The following GRIN2A variants were observed in gnomAD, a reference collection of about 807,000 sequenced individuals.
GRIN2A encodes the protein glutamate receptor ionotropic, NMDA 2A.
Under a neutral mutation model 113.4 loss-of-function variants are expected in GRIN2A, and 22 were observed. That is an observed-to-expected ratio of 0.19 (90% CI 0.14 to 0.28). GRIN2A has a LOEUF of 0.28. Among genes scored for constraint, GRIN2A ranks in the 10% least tolerant of loss-of-function variants. GRIN2A has a pLI of 1.00. For missense variants in GRIN2A, 1,502 were observed against 1,887.0 expected (o/e 0.80, Z 3.78); for synonymous variants, 827 against 738.4 (o/e 1.12, Z -1.94).
At chr16:9,937,717 G>C (rs938944368) in intron 3 of GRIN2A, 4 of 538,862 alleles carry the variant, frequency 7.4e-6, no homozygotes, top group Non-Finnish European at 1.3e-5. Flanking sequence ...CCAGGTGTAG[G>C]TTTCCAAGAT....
intron 4 of GRIN2A, among the ~76,000 whole-genome samples, chr16:9,867,852 G>T (rs576319581): frequency 1.3e-5 from 2 of 152,074 alleles, no homozygotes; most frequent in African/African-American, 4.8e-5. Flanking sequence ...CTGCTCCACA[G>T]TCTCCAGTTA....
chr16:10,100,090 G>A (rs896520386), intron 2 of GRIN2A, among the ~76,000 whole-genome samples: 4 of 152,170 alleles, frequency 2.6e-5, no homozygotes, highest in Non-Finnish European at 5.9e-5. Flanking sequence ...AGGTGAAGGG[G>A]GGACATGAGG....
chr16:10,178,251 C>T (rs1369290223), intron 2 of GRIN2A, among the ~76,000 whole-genome samples: 1 of 152,150 alleles, frequency 6.6e-6, no homozygotes, highest in Non-Finnish European at 1.5e-5. Flanking sequence ...GGCTGTGATT[C>T]ATCATAGCTC....
chr16:9,767,494 G>C (rs1398523545), intron 12 of GRIN2A, among the ~76,000 whole-genome samples: 2 of 151,906 alleles, frequency 1.3e-5, no homozygotes, highest in Non-Finnish European at 2.9e-5. Context: ...GTGTTGGTTT[G>C]CTGCAATTAG....
At chr16:10,158,295 G>A (rs1300125639) in intron 2 of GRIN2A, among the ~76,000 whole-genome samples, 1 of 152,176 alleles carries the variant, frequency 6.6e-6, no homozygotes, top group African/African-American at 2.4e-5. Context: ...GTGAGCCACT[G>A]TATCTGGCAT....
At chr16:9,926,969 C>G (rs2141597296) in intron 3 of GRIN2A, among the ~76,000 whole-genome samples, 1 of 151,786 alleles carries the variant, frequency 6.6e-6, no homozygotes, top group Non-Finnish European at 1.5e-5. Context: ...CAATTTGCAG[C>G]CTCTGAAAGT....
intron 7 of GRIN2A, among the ~76,000 whole-genome samples, chr16:9,839,108 G>A (rs889242927): frequency 1.2e-4 from 18 of 152,042 alleles, no homozygotes; most frequent in African/African-American, 2.9e-4. Context: ...AGAGATTCAC[G>A]TTTGTCTTAA....
At chr16:9,902,904 T>A (rs1035187630) in intron 3 of GRIN2A, among the ~76,000 whole-genome samples, 1 of 148,510 alleles carries the variant, frequency 6.7e-6, no homozygotes, top group African/African-American at 2.5e-5. Context: ...TTCTTCATTG[T>A]GGGGTTTCCT....
chr16:9,934,835 T>A (rs898666167), intron 3 of GRIN2A, among the ~76,000 whole-genome samples: 1 of 151,452 alleles, frequency 6.6e-6, no homozygotes, highest in Non-Finnish European at 1.5e-5. Context: ...TGGGAGAGTG[T>A]GGGAAGGAGA....
intron 3 of GRIN2A, among the ~76,000 whole-genome samples, chr16:9,910,666 T>A (rs898822376): frequency 2.0e-5 from 3 of 151,378 alleles, no homozygotes; most frequent in Admixed American, 2.0e-4. Flanking sequence ...GCCTCCTGAG[T>A]AGCTGGGACT....
chr16:10,122,601 AC>A (rs201154748), intron 2 of GRIN2A, among the ~76,000 whole-genome samples: 121 of 152,050 alleles, frequency 8.0e-4, no homozygotes, highest in South Asian at 4.4e-3. Flanking sequence ...TTTGTCCCCC[AC>A]CCCCCCAAAA....
At chr16:9,986,144 T>C (rs1425549394) in intron 2 of GRIN2A, among the ~76,000 whole-genome samples, 1 of 152,108 alleles carries the variant, frequency 6.6e-6, no homozygotes, top group Non-Finnish European at 1.5e-5. Context: ...TCAACAGCAT[T>C]GTTCCTTCTG....
At chr16:9,768,628 C>G (rs778156040) in intron 12 of GRIN2A, among the ~76,000 whole-genome samples, 1 of 152,164 alleles carries the variant, frequency 6.6e-6, no homozygotes, top group Non-Finnish European at 1.5e-5. Flanking sequence ...CTATTTTTCT[C>G]ATGTCCCGCC....
chr16:9,908,837 G>A (rs2044077748), intron 3 of GRIN2A, among the ~76,000 whole-genome samples: 1 of 152,198 alleles, frequency 6.6e-6, no homozygotes, highest in Admixed American at 6.5e-5. Context: ...GTGAGGGGAT[G>A]CACCACACCG....
intron 4 of GRIN2A, among the ~76,000 whole-genome samples, chr16:9,877,705 C>T (rs1341449286): frequency 7.3e-6 from 1 of 137,238 alleles, no homozygotes; most frequent in African/African-American, 2.8e-5. Context: ...TTCAGGCCCT[C>T]TCTATCTCTT....
At chr16:9,795,828 C>T (rs995281245) in intron 11 of GRIN2A, among the ~76,000 whole-genome samples, 2 of 152,176 alleles carry the variant, frequency 1.3e-5, no homozygotes, top group Non-Finnish European at 2.9e-5. Flanking sequence ...TTCAGATGTG[C>T]ACTAAATTAC....
chr16:10,121,685 C>A (rs1254660447), intron 2 of GRIN2A: 3 of 152,192 alleles, frequency 2.0e-5, no homozygotes, highest in African/African-American at 7.2e-5. Context: ...GAGTTGAGAT[C>A]ATTATGCTGC....
chr16:9,815,321 C>A (rs2042165351), intron 10 of GRIN2A, among the ~76,000 whole-genome samples: 1 of 150,422 alleles, frequency 6.6e-6, no homozygotes, highest in Admixed American at 6.6e-5. Context: ...AAAAGGTAAC[C>A]CATGGAATAG....
At chr16:10,182,777 C>T (rs892364496), upstream of GRIN2A, 2 of 152,402 alleles carry the variant, frequency 1.3e-5, no homozygotes, top group Non-Finnish European at 2.9e-5. Flanking sequence ...TAGGAGCTCC[C>T]CTCCAAGATC....
Sources: allele counts gnomAD v4.1 joint callset (sites outside exome capture counted in the v4.1 genomes callset), GRCh38; gene constraint gnomAD v4.1.1; transcripts MANE v1.5; gene names NCBI Gene and HGNC (gene_info 2026-07-23, HGNC 2026-07-21).